The following SYN3 variants were observed in gnomAD, a reference collection of about 807,000 sequenced individuals.
SYN3 encodes the protein synapsin III.
In SYN3, 35 loss-of-function variants were observed where a neutral mutation model predicts 65.8. That is an observed-to-expected ratio of 0.53 (90% CI 0.41 to 0.70). The LOEUF is 0.70. SYN3 is among the 30% of genes least tolerant of loss of function. SYN3 has a pLI of 0.00. For missense variants in SYN3, 680 were observed against 749.0 expected (o/e 0.91, Z 1.08); for synonymous variants, 270 against 292.9 (o/e 0.92, Z 0.80).
At chr22:32,692,106 T>TTG (rs1180363167) in intron 6 of SYN3, among the ~76,000 whole-genome samples, 3 of 149,954 alleles carry the variant, frequency 2.0e-5, no homozygotes, top group African/African-American at 7.4e-5. Flanking sequence ...TTGTTTTTTT[T>TTG]TTGTTTGCTT....
intron 7 of SYN3, among the ~76,000 whole-genome samples, chr22:32,565,326 TC>T (rs977359645): frequency 1.3e-5 from 2 of 152,150 alleles, no homozygotes; most frequent in African/African-American, 4.8e-5. Context: ...TCTCTGGAAC[TC>T]CAGTGAGAGT....
chr22:33,030,035 T>C (rs941842003), intron 1 of SYN3, among the ~76,000 whole-genome samples: 3 of 152,186 alleles, frequency 2.0e-5, no homozygotes, highest in Admixed American at 6.5e-5. Flanking sequence ...TAGGAAGGCT[T>C]CCCTGACGTG....
chr22:32,918,054 G>A (rs182315717), intron 4 of SYN3, among the ~76,000 whole-genome samples: 16 of 152,374 alleles, frequency 1.1e-4, no homozygotes, highest in Non-Finnish European at 2.2e-4. Context: ...GGCTGTGGGT[G>A]GTGGGCTGTC....
chr22:32,739,176 G>A (rs955250039), intron 6 of SYN3, among the ~76,000 whole-genome samples: 3 of 137,098 alleles, frequency 2.2e-5, no homozygotes, highest in Non-Finnish European at 3.1e-5. Flanking sequence ...TGAATCACAG[G>A]GGGGGGGCGG....
chr22:32,647,154 T>C (rs1164260567), intron 6 of SYN3, among the ~76,000 whole-genome samples: 3 of 152,184 alleles, frequency 2.0e-5, no homozygotes, highest in African/African-American at 7.2e-5. Flanking sequence ...AAACTGGCCT[T>C]TGGTCTTGGA....
intron 6 of SYN3, among the ~76,000 whole-genome samples, chr22:32,827,741 C>A (rs375553313): frequency 6.6e-6 from 1 of 152,220 alleles, no homozygotes; most frequent in East Asian, 1.9e-4. Context: ...GAAGTTTCTA[C>A]GGGATCTGGC....
chr22:33,010,007 TG>T (rs1427405747), intron 1 of SYN3, among the ~76,000 whole-genome samples: 1 of 151,866 alleles, frequency 6.6e-6, no homozygotes, highest in Non-Finnish European at 1.5e-5. Context: ...TCAAGGTGGG[TG>T]GATCACCTGA....
chr22:33,006,584 G>T lies in SYN3; in HGVS notation c.79C>A (p.Arg27Ser). The change falls in exon 2 of 14, where the codon CGC becomes AGC. Residue 27 changes from arginine to serine, a missense_variant. Transcript: ENST00000358763. ...LPNGYMTDLQ[R>S]PDSSTSSPAS... ...GGTGAGCTGGTGGAGCTATCTGGGCGTTGCAGGTCCGTCATATAGCCATTA... is the reference window on the plus strand; with the variant it reads ...GGTGAGCTGGTGGAGCTATCTGGGCTTTGCAGGTCCGTCATATAGCCATTA... 2 of 1,613,996 alleles carry T rather than the reference G, an allele frequency of 1.2e-6. No homozygotes were observed. The highest frequency in any genetic ancestry group is 2.2e-5 in the East Asian group (1 of 44,876).
chr22:32,858,749 A>G (rs1488322470), intron 6 of SYN3, among the ~76,000 whole-genome samples: 1 of 152,194 alleles, frequency 6.6e-6, no homozygotes, highest in Admixed American at 6.5e-5. Context: ...TTAAGTAACT[A>G]GCCCTAGGTC....
At chr22:32,617,770 G>C (rs1453096458) in intron 6 of SYN3, among the ~76,000 whole-genome samples, 1 of 151,874 alleles carries the variant, frequency 6.6e-6, no homozygotes, top group Non-Finnish European at 1.5e-5. Context: ...AGATGGAAGG[G>C]GTGTGTGTGA....
intron 4 of SYN3, among the ~76,000 whole-genome samples, chr22:32,926,289 A>G (rs2050467390): frequency 6.6e-6 from 1 of 152,208 alleles, no homozygotes; most frequent in African/African-American, 2.4e-5. Flanking sequence ...GGCTTTTTAT[A>G]GTACTTGTGT....
intron 7 of SYN3, among the ~76,000 whole-genome samples, chr22:32,559,395 G>A (rs2058551329): frequency 1.3e-5 from 2 of 152,202 alleles, no homozygotes; most frequent in Admixed American, 6.5e-5. Context: ...AGGCAGACAT[G>A]AGGAGGGCCA....
chr22:32,743,958 G>A (rs1602040573), intron 6 of SYN3, among the ~76,000 whole-genome samples: 2 of 152,052 alleles, frequency 1.3e-5, no homozygotes, highest in African/African-American at 2.4e-5. Context: ...TACTACCTGC[G>A]TGATCTTGAG....
chr22:32,877,541 C>T (rs1211855895), intron 4 of SYN3, among the ~76,000 whole-genome samples: 14 of 152,156 alleles, frequency 9.2e-5, no homozygotes, highest in Admixed American at 9.2e-4. Context: ...CCTCTACCCA[C>T]TAGACGCAGC....
chr22:32,654,247 T>G (rs3788472), intron 6 of SYN3, among the ~76,000 whole-genome samples: 22,472 of 152,190 alleles, frequency 0.15, 2,838 homozygotes, highest in East Asian at 0.67. Flanking sequence ...TCCCTCCACT[T>G]TCTCAGTTCC....
Position 33,035,335 on chromosome 22 carries a change from C to A in SYN3, c.-163+22957G>T, listed in dbSNP as rs542187064. The stretch of plus-strand genomic sequence containing the variant: ...GAAAAATTAAAAATCTCGGGACCCC[C>A]CCCCCCCCCGCCACCAAACTTCTTA... On this transcript the variant is annotated intron_variant, in intron 1 of 13. Coordinates refer to ENST00000358763, the MANE Select transcript of SYN3 (RefSeq NM_003490.4). Among the ~76,000 whole-genome samples, 197 of 75,768 alleles carry A rather than the reference C, an allele frequency of 2.6e-3. 15 individuals are homozygous for A. Among genetic ancestry groups the A allele is most frequent in the African/African-American group, 8.3e-3 (187 of 22,504 alleles). 49.7% of individuals were successfully genotyped at this position (75,768 alleles called of 152,430 possible).
At chr22:32,644,627 TA>T (rs2059958072) in intron 6 of SYN3, among the ~76,000 whole-genome samples, 3 of 152,162 alleles carry the variant, frequency 2.0e-5, no homozygotes, top group South Asian at 4.1e-4. Context: ...CTGGGCAGGT[TA>T]TTTTCGTTTT....
intron 6 of SYN3, among the ~76,000 whole-genome samples, chr22:32,720,891 G>C (rs1323780208): frequency 6.6e-6 from 1 of 152,162 alleles, no homozygotes; most frequent in Non-Finnish European, 1.5e-5. Context: ...CATTGCTCTT[G>C]CCTCTACCCC....
At chr22:32,704,833 T>C (rs1488485529) in intron 6 of SYN3, among the ~76,000 whole-genome samples, 1 of 152,250 alleles carries the variant, frequency 6.6e-6, no homozygotes, top group Non-Finnish European at 1.5e-5. Context: ...TTTTTTTACA[T>C]GTTTGTTGGC....
Sources: gnomAD v4.1 joint callset for allele counts (sites outside exome capture counted in the v4.1 genomes callset) on GRCh38, gnomAD v4.1.1 for gene constraint, MANE v1.5 for transcripts, NCBI Gene and HGNC (gene_info 2026-07-23, HGNC 2026-07-21) for gene names.